The following SLC36A1 variants were observed in gnomAD, a reference collection of about 807,000 sequenced individuals.
SLC36A1 encodes solute carrier family 36 member 1.
SLC36A1 carries 30 observed loss-of-function variants against 47.5 expected under a neutral mutation model. The observed-to-expected ratio is 0.63, with a 90% confidence interval of 0.47 to 0.86. The LOEUF is 0.86. Ranked by LOEUF, SLC36A1 falls within the 40% of genes least tolerant of loss-of-function variation. The pLI, the probability that SLC36A1 is intolerant of heterozygous loss-of-function variation, is 0.00. For synonymous variants in SLC36A1, 255 were observed against 249.7 expected (o/e 1.02, Z -0.20); for missense variants, 517 against 606.0 (o/e 0.85, Z 1.54).
chr5:151,448,443 T>G (rs729057), intron 1 of SLC36A1, among the ~76,000 whole-genome samples: 49,935 of 152,104 alleles, frequency 0.33, 10,487 homozygotes, highest in African/African-American at 0.6. Flanking sequence ...GGGTTGGATT[T>G]GCTCTGGGTG....
chr5:151,408,139 C>T, the SLC36A1 span, among the ~76,000 whole-genome samples: 1 of 152,282 alleles, frequency 6.6e-6, no homozygotes. Flanking sequence ...TATCTTGAGT[C>T]ATTTATTGTA....
the SLC36A1 span, chr5:151,537,761 C>T: frequency 6.3e-7 from 1 of 1,590,448 alleles, no homozygotes; most frequent in African/African-American, 1.4e-5. Context: ...TAAAGAAGTT[C>T]TTGTTTTGAT....
At position 151,488,285 on chromosome 5, in the gene SLC36A1, C is replaced by A; in HGVS notation, c.*31C>A. ...TGGGTTCGTCTCTGCAGCTGCCTACCCCTGCCCCATGTGTCCCCCGTTACC... is the reference window on the plus strand; with the variant it reads ...TGGGTTCGTCTCTGCAGCTGCCTACACCTGCCCCATGTGTCCCCCGTTACC... On this transcript the variant is annotated 3_prime_UTR_variant, in exon 11 of 11. Coordinates refer to ENST00000243389, the MANE Select transcript of SLC36A1 (RefSeq NM_078483.4). 5.6e-6 allele frequency: 9 copies of A among 1,606,830 alleles called. No individual in the cohort carries two copies. Among genetic ancestry groups the A allele is most frequent in the Non-Finnish European group, 6.8e-6 (8 of 1,175,660 alleles).
At chr5:151,540,892 A>AC in the SLC36A1 span, 8 of 773,076 alleles carry the variant, frequency 1.0e-5, no homozygotes, top group South Asian at 4.4e-5. Flanking sequence ...TTCCTTAACT[A>AC]GGAACCCACG....
At chr5:151,439,135 AGT>A (rs1752475034) in intron 1 of SLC36A1, among the ~76,000 whole-genome samples, 1 of 144,634 alleles carries the variant, frequency 6.9e-6, no homozygotes, top group Non-Finnish European at 1.5e-5. Context: ...AGAGAGAGAG[AGT>A]GCAGGGGAAA....
upstream of SLC36A1, among the ~76,000 whole-genome samples, chr5:151,433,261 T>TATACATATATATATATATAC (rs1759545472): frequency 5.6e-5 from 1 of 17,826 alleles, no homozygotes; most frequent in African/African-American, 2.7e-4. Context: ...TATATATATA[T>TATACATATATATATATATAC]ATATATTTTT....
the SLC36A1 span, chr5:151,512,338 C>T: frequency 6.2e-7 from 1 of 1,614,246 alleles, no homozygotes; most frequent in Non-Finnish European, 8.5e-7. This position sits in a 1 kb window ranked among gnomAD's most constrained non-coding sequence, Gnocchi z 4.1. Flanking sequence ...ATCCAGGCAG[C>T]CTTCAAAGCC....
rs956998374 is a variant in SLC36A1 at position 151,487,897 on chromosome 5, A to G, written c.1160-86A>G. The G allele has an allele frequency of 2.0e-6, 3 of 1,474,214 alleles. No homozygotes were observed. The African/African-American group carries it at 4.2e-5, about 21-fold the overall frequency. The allele number at this position is 1,474,214 out of a possible 1,614,324, so 91.3% of individuals were successfully genotyped here. On this transcript the variant is annotated intron_variant, in intron 10 of 10. Coordinates refer to ENST00000243389, the MANE Select transcript of SLC36A1 (RefSeq NM_078483.4). ...TAGAGCTCTCAATCCTATAAGATGG[A>G]CAGATGCTGAATTCGCTCAACAGTA...
At chr5:151,463,254 A>G (rs1755823038) in intron 2 of SLC36A1, among the ~76,000 whole-genome samples, 1 of 152,182 alleles carries the variant, frequency 6.6e-6, no homozygotes, top group African/African-American at 2.4e-5. Context: ...GTGTCTGAAG[A>G]GAGTTGGAGC....
rs1561750509 is a variant in SLC36A1 at position 151,464,607 on chromosome 5, GA to G, written c.323+6del. ...TGCTCACCACTTCTGCCGCAGGTGA[GA>G]GCCCTCTGAGCCACCTCTCAAGTGA... On this transcript the variant is annotated splice_donor_region_variant and intron_variant, in intron 4 of 10. Coordinates refer to ENST00000243389, the MANE Select transcript of SLC36A1 (RefSeq NM_078483.4). The G allele has an allele frequency of 6.2e-7, 1 of 1,613,118 alleles. No homozygotes were observed. The highest frequency in any genetic ancestry group is 8.5e-7 in the Non-Finnish European group (1 of 1,179,192).
the SLC36A1 span, chr5:151,550,468 C>T: frequency 8.7e-7 from 1 of 1,154,348 alleles, no homozygotes. Flanking sequence ...TGAAATGTCA[C>T]AACTCTGTCT....
At chr5:151,419,586 G>T in the SLC36A1 span, among the ~76,000 whole-genome samples, 21 of 152,298 alleles carry the variant, frequency 1.4e-4, no homozygotes, top group Middle Eastern at 3.4e-3. Flanking sequence ...TCAAACTTTT[G>T]TGTGAATTAG....
At chr5:151,394,952 T>A in the SLC36A1 span, among the ~76,000 whole-genome samples, 89 of 152,228 alleles carry the variant, frequency 5.8e-4, no homozygotes, top group African/African-American at 2.1e-3. Flanking sequence ...CATTTAAGTC[T>A]GCAGAGGTTT....
intron 1 of SLC36A1, chr5:151,452,623 C>T (rs1056949041): frequency 6.6e-6 from 1 of 152,178 alleles, no homozygotes; most frequent in African/African-American, 2.4e-5. Context: ...AATCCCATCA[C>T]TTTGAGAGGC....
At chr5:151,499,144 G>A in the SLC36A1 span, among the ~76,000 whole-genome samples, 1 of 152,226 alleles carries the variant, frequency 6.6e-6, no homozygotes, top group Non-Finnish European at 1.5e-5. Context: ...ATCTAACCAG[G>A]CACCTTTCTT....
intron 1 of SLC36A1, among the ~76,000 whole-genome samples, chr5:151,449,253 ACTGT>A (rs1362989982): frequency 2.0e-5 from 3 of 152,148 alleles, no homozygotes; most frequent in Non-Finnish European, 4.4e-5. Context: ...ATGATTTTTA[ACTGT>A]CTGTTATTAT....
At chr5:151,408,104 G>A in the SLC36A1 span, among the ~76,000 whole-genome samples, 1 of 152,176 alleles carries the variant, frequency 6.6e-6, no homozygotes, top group Non-Finnish European at 1.5e-5. Context: ...CTTCCATAAA[G>A]TAAGAAAGTT....
At chr5:151,521,280 G>A in the SLC36A1 span, 8 of 1,604,900 alleles carry the variant, frequency 5.0e-6, no homozygotes, top group South Asian at 8.9e-5. Context: ...ACTTACCATT[G>A]CAGGAGCAGC....
chr5:151,418,562 G>A, the SLC36A1 span, among the ~76,000 whole-genome samples: 6 of 152,332 alleles, frequency 3.9e-5, 1 homozygote, highest in South Asian at 1.2e-3. Flanking sequence ...CATGGAGCCT[G>A]TAGCCCCTTT....
Sources: allele counts gnomAD v4.1 joint callset (sites outside exome capture counted in the v4.1 genomes callset), GRCh38; gene constraint gnomAD v4.1.1; non-coding constraint Gnocchi (gnomAD v3.1); transcripts MANE v1.5; gene names NCBI Gene and HGNC (gene_info 2026-07-23, HGNC 2026-07-21).